Variants in CDC73 observed in about 807,000 individuals in gnomAD.
CDC73 encodes the protein parafibromin.
CDC73 carries 21 observed loss-of-function variants against 83.7 expected under a neutral mutation model. That is an observed-to-expected ratio of 0.25 (90% CI 0.18 to 0.36). The LOEUF is 0.36. Ranked by LOEUF, CDC73 falls within the 10% of genes least tolerant of loss-of-function variation. The pLI is 1.00. For synonymous variants in CDC73, 224 were observed against 212.9 expected (o/e 1.05, Z -0.45); for missense variants, 342 against 653.3 (o/e 0.52, Z 5.19).
chr1:193,152,587 T>C, intron 10 of CDC73, 143 bp downstream of exon 10: 1 of 634,738 alleles, frequency 1.6e-6, no homozygotes, highest in Non-Finnish European at 2.8e-6. Flanking sequence ...ATCTGTGTGG[T>C]GTATTATTTG....
intron 10 of CDC73, among the ~76,000 whole-genome samples, chr1:193,160,928 T>C (rs548938955): frequency 6.6e-5 from 10 of 152,222 alleles, no homozygotes; most frequent in African/African-American, 2.4e-4. Context: ...TCTCGGTCTT[T>C]GTAAATTGAT....
intron 13 of CDC73, among the ~76,000 whole-genome samples, chr1:193,216,598 G>A (rs1277229642): frequency 1.3e-5 from 2 of 151,714 alleles, no homozygotes; most frequent in Non-Finnish European, 2.9e-5. Context: ...ATTCTGTGAA[G>A]CCAGCATCAT....
At chr1:193,124,370 G>A (rs985729197) in intron 1 of CDC73, among the ~76,000 whole-genome samples, 21 of 152,278 alleles carry the variant, frequency 1.4e-4, no homozygotes, top group South Asian at 8.3e-4. Context: ...ATAATTGATG[G>A]TGTGTGGTTT....
intron 11 of CDC73, among the ~76,000 whole-genome samples, chr1:193,204,916 C>T (rs1677160695): frequency 6.6e-6 from 1 of 152,078 alleles, no homozygotes. Flanking sequence ...TTAATAGAAT[C>T]ATATTCAGCT....
intron 9 of CDC73, among the ~76,000 whole-genome samples, chr1:193,150,681 C>A (rs1393356721): frequency 6.6e-6 from 1 of 152,122 alleles, no homozygotes; most frequent in Non-Finnish European, 1.5e-5. Flanking sequence ...GTTGGCCAAC[C>A]CCTGGTTAAT....
intron 13 of CDC73, among the ~76,000 whole-genome samples, chr1:193,216,192 G>T (rs1297238020): frequency 6.6e-6 from 1 of 152,080 alleles, no homozygotes; most frequent in Admixed American, 6.6e-5. Flanking sequence ...TTAATAGACT[G>T]CTAGCTAGAT....
rs914876058 is a variant in CDC73 at position 193,253,734 on chromosome 1, G to A, written c.*3022G>A. The A allele has an allele frequency of 2.2e-5, 5 of 231,196 alleles. No homozygotes were observed. Among genetic ancestry groups the A allele is most frequent in the African/African-American group, 1.1e-4 (5 of 45,234 alleles). The allele number at this position is 231,196 out of a possible 1,614,324, so 14.3% of individuals were successfully genotyped here. The stretch of plus-strand genomic sequence containing the variant: ...GAAGTATTAATTTTTGATCTGCCAT[G>A]TAGAATGAGACAAATACAGTTTGCT... On this transcript the variant is annotated 3_prime_UTR_variant, in exon 17 of 17. Transcript: ENST00000367435.
chr1:193,167,982 T>G (rs948023792), intron 10 of CDC73, among the ~76,000 whole-genome samples: 2 of 152,130 alleles, frequency 1.3e-5, no homozygotes, highest in Non-Finnish European at 2.9e-5. Context: ...TGCCTCAGCC[T>G]CCTGAGTAGC....
At chr1:193,146,830 T>C (rs1676008216) in intron 7 of CDC73, among the ~76,000 whole-genome samples, 1 of 152,216 alleles carries the variant, frequency 6.6e-6, no homozygotes, top group African/African-American at 2.4e-5. Context: ...ACTTGTACTT[T>C]CCAACTTACA....
chr1:193,251,623 A>G lies in CDC73; in HGVS notation c.*911A>G, dbSNP rs2102075407. 1 of 232,288 alleles carries G rather than the reference A, an allele frequency of 4.3e-6. No individual in the cohort carries two copies. Among genetic ancestry groups the G allele is most frequent in the African/African-American group, 2.2e-5 (1 of 45,404 alleles). 14.4% of individuals were successfully genotyped at this position (232,288 alleles called of 1,614,324 possible). A position where few individuals can be genotyped will look rare whatever the true frequency, so the allele number is the denominator to read the frequency against. ...AGTTCTTATCTTCCATTATCCCTAA[A>G]TATTGATAAACTCCCAGGCACCAAA... On this transcript the variant is annotated 3_prime_UTR_variant, in exon 17 of 17. Coordinates refer to ENST00000367435, the MANE Select transcript of CDC73 (RefSeq NM_024529.5).
In CDC73 at chr1:193,252,968, G is replaced by C. The variant is rs1424644960; in HGVS notation, c.*2256G>C. ...AGTACAGAATTACAGGGAATGAAGA[G>C]AGGTATAAGTAGATATTTTAATGGA... On this transcript the variant is annotated 3_prime_UTR_variant, in exon 17 of 17. Transcript: ENST00000367435. 1 of 231,806 alleles carries C rather than the reference G, an allele frequency of 4.3e-6. No homozygotes were observed. The highest frequency in any genetic ancestry group is 2.2e-5 in the African/African-American group (1 of 45,380). 14.4% of individuals were successfully genotyped at this position (231,806 alleles called of 1,614,324 possible).
At chr1:193,165,736 C>T (rs1039739984) in intron 10 of CDC73, among the ~76,000 whole-genome samples, 10 of 152,188 alleles carry the variant, frequency 6.6e-5, no homozygotes, top group South Asian at 6.2e-4. Flanking sequence ...CACATGCATT[C>T]GTATCTCTCT....
intron 10 of CDC73, among the ~76,000 whole-genome samples, chr1:193,176,138 T>C (rs964400333): frequency 6.6e-6 from 1 of 152,238 alleles, no homozygotes; most frequent in South Asian, 2.1e-4. Context: ...CATTAATTTC[T>C]AGGCTCAGAC....
chr1:193,204,007 G>GAGAT (rs1244046103), intron 11 of CDC73, among the ~76,000 whole-genome samples, 155 bp downstream of exon 11: 1 of 151,986 alleles, frequency 6.6e-6, no homozygotes, highest in African/African-American at 2.4e-5. Context: ...TGTTTAAGCA[G>GAGAT]ATCTCAAAAC....
chr1:193,239,916 G>T (rs1477252409), intron 15 of CDC73, among the ~76,000 whole-genome samples: 1 of 152,000 alleles, frequency 6.6e-6, no homozygotes, highest in East Asian at 1.9e-4. Flanking sequence ...GAACTTAAAA[G>T]TTAGAAATTA....
intron 13 of CDC73, among the ~76,000 whole-genome samples, chr1:193,218,907 A>G (rs1677414790): frequency 6.6e-6 from 1 of 152,204 alleles, no homozygotes; most frequent in African/African-American, 2.4e-5. Context: ...AAAATAGACA[A>G]ATGGGAGCTA....
intron 10 of CDC73, among the ~76,000 whole-genome samples, chr1:193,184,974 C>CT (rs915191973): frequency 2.0e-5 from 3 of 151,912 alleles, no homozygotes; most frequent in Non-Finnish European, 4.4e-5. Flanking sequence ...TTAGAAATAT[C>CT]TTTAAGTTCT....
At chr1:193,192,989 A>C (rs917395450) in intron 10 of CDC73, among the ~76,000 whole-genome samples, 4 of 152,178 alleles carry the variant, frequency 2.6e-5, no homozygotes, top group Non-Finnish European at 5.9e-5. Context: ...CCATAACCCT[A>C]TCCAGAGGCT....
At chr1:193,141,512 T>C (rs904861216) in intron 6 of CDC73, among the ~76,000 whole-genome samples, 3 of 152,172 alleles carry the variant, frequency 2.0e-5, no homozygotes, top group African/African-American at 7.2e-5. Flanking sequence ...GGCATCTGTG[T>C]GTGTGTTTAA....
Sources: allele counts gnomAD v4.1 joint callset (sites outside exome capture counted in the v4.1 genomes callset), GRCh38; gene constraint gnomAD v4.1.1; transcripts MANE v1.5; gene names NCBI Gene and HGNC (gene_info 2026-07-23, HGNC 2026-07-21).